The following PPA1 variants were observed in gnomAD, a reference collection of about 807,000 sequenced individuals.
PPA1 encodes inorganic pyrophosphatase 1.
A neutral mutation model predicts 41.8 loss-of-function variants in PPA1; 23 were observed. That is an observed-to-expected ratio of 0.55 (90% confidence interval 0.40 to 0.78). The LOEUF (loss-of-function observed/expected upper bound fraction) is 0.78. PPA1 is among the 30% of genes least tolerant of loss of function. The pLI, the probability that PPA1 is intolerant of heterozygous loss-of-function variation, is 0.00. For missense variants in PPA1, 320 were observed against 361.6 expected (o/e 0.89, Z 0.93); for synonymous variants, 101 against 116.8 (o/e 0.86, Z 0.87).
At chr10:70,233,221 T>C (rs771212887) in intron 1 of PPA1, 43 bp downstream of exon 1, 37 of 1,521,726 alleles carry the variant, frequency 2.4e-5, no homozygotes, top group East Asian at 7.9e-5. Context: ...CGGGAATGAA[T>C]GGGCGGACGG....
At chr10:70,233,227 G>C in intron 1 of PPA1, 37 bp downstream of exon 1, 7 of 1,525,346 alleles carry the variant, frequency 4.6e-6, no homozygotes, top group Non-Finnish European at 5.3e-6. Flanking sequence ...TGAATGGGCG[G>C]ACGGGCGCGG....
intron 10 of PPA1, 35 bp downstream of exon 10, chr10:70,204,838 T>C (rs572102899): frequency 7.9e-6 from 12 of 1,518,314 alleles, no homozygotes; most frequent in South Asian, 7.2e-5. Flanking sequence ...AACTGTGTAA[T>C]GTTTAATGAA....
rs187857309 is a variant in PPA1 at position 70,220,836 on chromosome 10, T to C, written c.124-2019A>G. Reference sequence around the variant, plus strand: ...TTTTATATATATTATATATATAATTTTTATATATATTATATATATAATTCT... The same window carrying C: ...TTTTATATATATTATATATATAATTCTTATATATATTATATATATAATTCT... On this transcript the variant is annotated intron_variant, in intron 2 of 10. Transcript: ENST00000373232. 2.2e-3 allele frequency among the ~76,000 whole-genome samples: 76 copies of C among 35,038 alleles called. 13 individuals are homozygous for C. The highest frequency in any genetic ancestry group is 7.8e-3 in the African/African-American group (57 of 7,306). The allele number at this position is 35,038 out of a possible 152,430, so 23.0% of individuals were successfully genotyped here.
chr10:70,206,892 GA>G (rs1839950163), intron 8 of PPA1, among the ~76,000 whole-genome samples: 1 of 105,648 alleles, frequency 9.5e-6, no homozygotes, highest in Non-Finnish European at 1.9e-5. Context: ...GAGGGGAGGG[GA>G]GGGGAGGAGA....
Position 70,207,663 on chromosome 10 carries a change from AATT to A in PPA1, c.726-1333_726-1331del, listed in dbSNP as rs2066525732. On this transcript the variant is annotated intron_variant, in intron 8 of 10. Coordinates refer to ENST00000373232, the MANE Select transcript of PPA1 (RefSeq NM_021129.4). ...CGAGAGACCCTGTCTCTAAAAAAAA[AATT>A]ATATCTTTTATGACATGAGGAAATG... Among the ~76,000 whole-genome samples, 3 of 152,182 alleles carry A rather than the reference AATT, an allele frequency of 2.0e-5. No individual in the cohort carries two copies. The South Asian group carries it at 6.2e-4, about 31-fold the overall frequency.
intron 1 of PPA1, among the ~76,000 whole-genome samples, chr10:70,230,759 GC>G (rs1394286637): frequency 6.6e-6 from 1 of 152,142 alleles, no homozygotes; most frequent in Non-Finnish European, 1.5e-5. Flanking sequence ...GTGAGCCACC[GC>G]ACCCTGCACC....
At chr10:70,217,999 G>A (rs942584576) in intron 3 of PPA1, 68 bp from the exon 4 acceptor site, 14 of 1,338,580 alleles carry the variant, frequency 1.0e-5, no homozygotes, top group Non-Finnish European at 1.4e-5. Flanking sequence ...AGGATCTGAG[G>A]AAATGAATTA....
At chr10:70,229,690 G>A (rs753049867) in intron 2 of PPA1, among the ~76,000 whole-genome samples, 1 of 152,124 alleles carries the variant, frequency 6.6e-6, no homozygotes, top group South Asian at 2.1e-4. Context: ...AGATCCCACA[G>A]CCAAAATTCT....
intron 2 of PPA1, among the ~76,000 whole-genome samples, chr10:70,222,065 G>C (rs1413778546): frequency 1.3e-5 from 2 of 152,034 alleles, no homozygotes; most frequent in Non-Finnish European, 2.9e-5. Context: ...CCGGGGGGTG[G>C]TGGCTCACAC....
At chr10:70,231,729 C>T (rs1232823734) in intron 1 of PPA1, among the ~76,000 whole-genome samples, 1 of 152,166 alleles carries the variant, frequency 6.6e-6, no homozygotes, top group Non-Finnish European at 1.5e-5. Context: ...AATTGGATAA[C>T]TATGTAGTGG....
chr10:70,230,401 T>G lies in PPA1; in HGVS notation c.65-2A>C. ...ATATATATTGTCCTTTCTCATTTTC[T>G]GCAAAATAAATTAGAAAAAGTTATT... On this transcript the variant is annotated splice_acceptor_variant, in intron 1 of 10. Coordinates refer to ENST00000373232, the MANE Select transcript of PPA1 (RefSeq NM_021129.4). LOFTEE classifies it high-confidence loss of function. 3 of 1,607,810 alleles carry G rather than the reference T, an allele frequency of 1.9e-6. No individual in the cohort carries two copies. Among genetic ancestry groups the G allele is most frequent in the Non-Finnish European group, 2.6e-6 (3 of 1,175,988 alleles).
intron 1 of PPA1, among the ~76,000 whole-genome samples, chr10:70,232,200 G>A (rs901373219): frequency 6.6e-6 from 1 of 152,106 alleles, no homozygotes; most frequent in African/African-American, 2.4e-5. Context: ...TTCCTTCAAT[G>A]CCTATTCATT....
At chr10:70,210,247 T>G in intron 6 of PPA1, 1 of 557,842 alleles carries the variant, frequency 1.8e-6, no homozygotes, top group South Asian at 1.5e-5. Context: ...CAGCTAATTT[T>G]TAAATTTTTT....
At chr10:70,218,013 T>A in intron 3 of PPA1, 82 bp from the exon 4 acceptor site, 4 of 1,232,940 alleles carry the variant, frequency 3.2e-6, no homozygotes, top group Non-Finnish European at 4.4e-6. Context: ...TGAATTATGG[T>A]ACCTATGTTC....
intron 2 of PPA1, among the ~76,000 whole-genome samples, chr10:70,221,603 A>C (rs1840169690): frequency 6.6e-6 from 1 of 152,198 alleles, no homozygotes; most frequent in African/African-American, 2.4e-5. Context: ...TAGGTTTTCA[A>C]GTATTTTGTC....
intron 2 of PPA1, among the ~76,000 whole-genome samples, chr10:70,226,754 G>A (rs1462478831): frequency 6.6e-6 from 1 of 152,032 alleles, no homozygotes; most frequent in African/African-American, 2.4e-5. Context: ...TTTGAGCGTG[G>A]AAACTTCCCC....
chr10:70,220,879 C>A (rs1383483790), intron 2 of PPA1, among the ~76,000 whole-genome samples: 1 of 18,706 alleles, frequency 5.3e-5, no homozygotes, highest in African/African-American at 2.8e-4. Flanking sequence ...ATAATATATA[C>A]TTTATATATA....
intron 2 of PPA1, among the ~76,000 whole-genome samples, chr10:70,227,830 G>A (rs1372692990): frequency 6.6e-6 from 1 of 151,870 alleles, no homozygotes; most frequent in Non-Finnish European, 1.5e-5. Context: ...TCGGATGACT[G>A]ACCATATTAG....
Position 70,204,895 on chromosome 10 carries a change from A to G in PPA1, c.816T>C (p.Ser272=). The part of the protein sequence containing the change: ...IVDALPPPCE[S]ACTVPTDVDK... Reference sequence around the variant, plus strand: ...TACCGTCTGTTGGTACTGTGCAGGCAGATTCACAGGGTGGTGGTAACTAAA... The same window carrying G: ...TACCGTCTGTTGGTACTGTGCAGGCGGATTCACAGGGTGGTGGTAACTAAA... Residue 272 remains serine (S), a synonymous_variant, in exon 10 of 11, where the codon TCT becomes TCC. Coordinates refer to ENST00000373232, the MANE Select transcript of PPA1 (RefSeq NM_021129.4). The G allele has an allele frequency of 1.3e-6, 2 of 1,597,330 alleles. No individual in the cohort carries two copies. Among genetic ancestry groups the G allele is most frequent in the South Asian group, 2.2e-5 (2 of 88,998 alleles).
Sources: allele counts gnomAD v4.1 joint callset (sites outside exome capture counted in the v4.1 genomes callset), GRCh38; gene constraint gnomAD v4.1.1; transcripts MANE v1.5; gene names NCBI Gene and HGNC (gene_info 2026-07-23, HGNC 2026-07-21).